The following AFF1 variants were observed in gnomAD, a reference collection of about 807,000 sequenced individuals.
AFF1 encodes the protein AF4/FMR2 family member 1.
In AFF1, 48 loss-of-function variants were observed where a neutral mutation model predicts 121.7. The ratio of observed to expected loss-of-function variants is 0.39; its 90% CI spans 0.31 to 0.50. AFF1 has a LOEUF of 0.50. Ranked by LOEUF, AFF1 falls within the 20% of genes least tolerant of loss-of-function variation. AFF1 has a pLI of 0.76. For missense variants in AFF1, 1,523 were observed against 1,511.7 expected, an observed-to-expected ratio of 1.01 and a Z score of -0.12; for synonymous variants, 613 against 563.0, an observed-to-expected ratio of 1.09 and a Z score of -1.26.
chr4:87,067,968 G>T (rs1384370595), intron 4 of AFF1, among the ~76,000 whole-genome samples: 1 of 152,128 alleles, frequency 6.6e-6, no homozygotes, highest in African/African-American at 2.4e-5. Flanking sequence ...CTACATAGAA[G>T]TTTTATTTCT....
intron 2 of AFF1, among the ~76,000 whole-genome samples, chr4:86,963,187 AAAAG>A (rs1251811828): frequency 1.7e-4 from 26 of 151,764 alleles, no homozygotes; most frequent in Middle Eastern, 3.4e-3. Context: ...AAAAAAAAAA[AAAAG>A]CATAGATAAC....
At position 87,000,605 on chromosome 4, in the gene AFF1, C is replaced by CTGTGTGTGTGTGTG. The variant is rs57615388; in HGVS notation, c.39-45538_39-45525dup. On this transcript the variant is annotated intron_variant, in intron 2 of 20. Transcript: ENST00000395146. ...TAAAACATTTATTAAAAAATAAACT[C>CTGTGTGTGTGTGTG]TGTGTGTGTGTGTGTGTGTGTGTGT... Among the ~76,000 whole-genome samples the CTGTGTGTGTGTGTG allele has an allele frequency of 9.8e-3, 1,430 of 146,456 alleles. 12 individuals carry two copies. Among genetic ancestry groups the CTGTGTGTGTGTGTG allele is most frequent in the Middle Eastern group, 0.014 (4 of 282 alleles).
chr4:87,104,721 G>A (rs995358049), intron 8 of AFF1, among the ~76,000 whole-genome samples: 3 of 152,148 alleles, frequency 2.0e-5, no homozygotes, highest in Admixed American at 6.5e-5. Flanking sequence ...AAATACTGAA[G>A]GATTTTAACC....
intron 2 of AFF1, among the ~76,000 whole-genome samples, chr4:86,991,327 C>T (rs1219814863): frequency 6.6e-6 from 1 of 151,912 alleles, no homozygotes; most frequent in Non-Finnish European, 1.5e-5. Context: ...CACCTGTAGT[C>T]CCAGCTACTC....
At chr4:87,101,226 G>A (rs552719597) in intron 8 of AFF1, among the ~76,000 whole-genome samples, 7 of 152,014 alleles carry the variant, frequency 4.6e-5, no homozygotes, top group Non-Finnish European at 8.8e-5. Context: ...TAGAATGCAC[G>A]GGCAGTCCTT....
At chr4:86,945,868 G>A (rs1407812454) in intron 1 of AFF1, among the ~76,000 whole-genome samples, 2 of 152,074 alleles carry the variant, frequency 1.3e-5, no homozygotes, top group East Asian at 3.9e-4. Flanking sequence ...TCCTGCTCTG[G>A]CCTCTTCACC....
intron 2 of AFF1, among the ~76,000 whole-genome samples, chr4:86,955,288 A>G (rs1190299953): frequency 2.0e-5 from 3 of 152,278 alleles, no homozygotes; most frequent in African/African-American, 7.2e-5. Flanking sequence ...CCACTTGAAC[A>G]GAATGTTCAT....
chr4:86,969,854 T>C, intron 2 of AFF1, among the ~76,000 whole-genome samples: 1 of 107,848 alleles, frequency 9.3e-6, no homozygotes, highest in African/African-American at 3.9e-5. Context: ...CACTCTGGCC[T>C]GGGCGGAAGA....
chr4:87,062,503 A>G (rs1479138645), intron 4 of AFF1, among the ~76,000 whole-genome samples: 1 of 152,138 alleles, frequency 6.6e-6, no homozygotes, highest in African/African-American at 2.4e-5. Flanking sequence ...AGCAGGAGTT[A>G]TCGATGCTTT....
chr4:87,094,836 A>G lies in AFF1; in HGVS notation c.1229-79A>G, dbSNP rs1005527153. 4.7e-5 allele frequency: 65 copies of G among 1,389,084 alleles called. No homozygotes were observed. In the Middle Eastern group the frequency reaches 2.7e-3, roughly 57 times the overall value. 86.0% of individuals were successfully genotyped at this position (1,389,084 alleles called of 1,614,324 possible). A position where few individuals can be genotyped will look rare whatever the true frequency, so the allele number is the denominator to read the frequency against. ...CAGTGTGTTTAGGTAAAAACTGGGG[A>G]CCGACATAAAAGAACTCACAACTAA... On this transcript the variant is annotated intron_variant, in intron 7 of 20. Transcript: ENST00000395146.
At position 87,047,426 on chromosome 4, in the gene AFF1, C is replaced by T; in HGVS notation, c.891C>T (p.Pro297=). The change falls in exon 4 of 21, where the codon CCC becomes CCT. Residue 297 remains proline (P), a synonymous_variant. Transcript: ENST00000395146. The part of the protein sequence containing the change: ...PSKSVAMQQK[P]TAYVRPMDGQ... ...AAAGTGTTGCAATGCAGCAGAAGCC[C>T]ACGGCTTATGTCCGGCCCATGGATG... 1 of 1,614,138 alleles carries T rather than the reference C, an allele frequency of 6.2e-7. No individual in the cohort carries two copies. Among genetic ancestry groups the T allele is most frequent in the South Asian group, 1.1e-5 (1 of 91,084 alleles).
intron 13 of AFF1, among the ~76,000 whole-genome samples, chr4:87,125,530 C>A (rs1728147432): frequency 1.3e-5 from 2 of 152,164 alleles, no homozygotes; most frequent in African/African-American, 4.8e-5. Context: ...CATTTGGACT[C>A]CGGGAGCCTG....
intron 10 of AFF1, among the ~76,000 whole-genome samples, chr4:87,106,530 T>A (rs999230171): frequency 3.9e-5 from 6 of 152,352 alleles, no homozygotes; most frequent in Middle Eastern, 3.4e-3. Flanking sequence ...TTCCAGAACT[T>A]CTTTTCCATT....
intron 2 of AFF1, among the ~76,000 whole-genome samples, chr4:87,001,778 T>C (rs1393666200): frequency 1.3e-5 from 2 of 152,206 alleles, no homozygotes; most frequent in Non-Finnish European, 2.9e-5. Flanking sequence ...GCAGTCCTCC[T>C]TGCTGTCTGC....
At chr4:87,103,445 G>A (rs897051405) in intron 8 of AFF1, among the ~76,000 whole-genome samples, 13 of 152,186 alleles carry the variant, frequency 8.5e-5, no homozygotes, top group African/African-American at 3.1e-4. Flanking sequence ...AGGGAGGAGA[G>A]GTTTTGTTTG....
chr4:86,959,192 A>G (rs983862736), intron 2 of AFF1, among the ~76,000 whole-genome samples: 10 of 152,234 alleles, frequency 6.6e-5, no homozygotes, highest in African/African-American at 2.2e-4. Flanking sequence ...AGTTAGCACT[A>G]AAAGCTTGGT....
intron 1 of AFF1, among the ~76,000 whole-genome samples, chr4:86,941,944 G>T (rs1287144945): frequency 6.9e-6 from 1 of 144,514 alleles, no homozygotes. Context: ...CCAATCCTCC[G>T]TTTTTTTTTT....
At chr4:87,006,165 T>C (rs1726101311) in intron 2 of AFF1, among the ~76,000 whole-genome samples, 1 of 152,206 alleles carries the variant, frequency 6.6e-6, no homozygotes, top group Admixed American at 6.5e-5. Flanking sequence ...CGGGCAATGT[T>C]GTCATGATTC....
intron 2 of AFF1, chr4:87,007,409 T>C (rs756928652): frequency 1.2e-6 from 2 of 1,614,050 alleles, no homozygotes; most frequent in Non-Finnish European, 8.5e-7. Flanking sequence ...AGCTGAATTA[T>C]GGCAGCCCAG....
Sources: gnomAD v4.1 joint callset for allele counts (sites outside exome capture counted in the v4.1 genomes callset) on GRCh38, gnomAD v4.1.1 for gene constraint, MANE v1.5 for transcripts, NCBI Gene and HGNC (gene_info 2026-07-23, HGNC 2026-07-21) for gene names.